Variants in AFF2 observed in about 807,000 individuals in gnomAD.
The protein encoded by AFF2 is AF4/FMR2 family member 2.
In AFF2, 14 loss-of-function variants were observed where a neutral mutation model predicts 76.9. That is an observed-to-expected ratio of 0.18 (90% confidence interval 0.12 to 0.28). The LOEUF is 0.28. AFF2 is among the 10% of genes least tolerant of loss of function. The probability of loss-of-function intolerance (pLI) is 1.00; values close to 1 mark genes in which losing one functional copy is unlikely to be tolerated. For synonymous variants in AFF2, 398 were observed against 366.7 expected (o/e 1.09, Z -0.98); for missense variants, 868 against 1,001.1 (o/e 0.87, Z 1.79).
intron 3 of AFF2, among the ~76,000 whole-genome samples, chrX:148,742,719 G>C (rs1007510497): frequency 8.1e-5 from 9 of 111,792 alleles, no homozygotes; most frequent in Non-Finnish European, 1.5e-4. Flanking sequence ...AAAAATGTGA[G>C]ATGAGTATTA....
intron 7 of AFF2, among the ~76,000 whole-genome samples, chrX:148,863,782 G>A (rs2070875829): frequency 9.0e-6 from 1 of 111,448 alleles, no homozygotes; most frequent in Admixed American, 9.5e-5. Context: ...GAGAAAATGG[G>A]TAGGGTGGGA....
intron 3 of AFF2, among the ~76,000 whole-genome samples, chrX:148,758,508 A>G (rs1381638026): frequency 3.6e-5 from 4 of 111,865 alleles, no homozygotes; most frequent in African/African-American, 1.3e-4. Flanking sequence ...AGCAATAACC[A>G]CTGTAGATAG....
intron 13 of AFF2, 74 bp downstream of exon 13, chrX:148,963,011 G>T: frequency 1.3e-6 from 1 of 750,386 alleles, no homozygotes; most frequent in South Asian, 2.4e-5. Context: ...TTGATCATTT[G>T]GGGATGTTGC....
chrX:148,774,278 A>C (rs1557268368), intron 3 of AFF2, among the ~76,000 whole-genome samples: 1 of 112,117 alleles, frequency 8.9e-6, no homozygotes, highest in African/African-American at 3.2e-5. Context: ...GAGACATACC[A>C]GGAACCTCAC....
chrX:148,666,463 T>C (rs1424634939), intron 3 of AFF2, among the ~76,000 whole-genome samples: 1 of 110,144 alleles, frequency 9.1e-6, no homozygotes, highest in African/African-American at 3.3e-5. Context: ...CACACACCTG[T>C]AGTCCCAGCT....
intron 9 of AFF2, among the ~76,000 whole-genome samples, chrX:148,912,556 C>T (rs2071482649): frequency 9.0e-6 from 1 of 111,648 alleles, no homozygotes; most frequent in Non-Finnish European, 1.9e-5. Context: ...TAAATCCAAC[C>T]CCCATTACAT....
intron 3 of AFF2, among the ~76,000 whole-genome samples, chrX:148,797,657 C>T (rs924674009): frequency 1.8e-5 from 2 of 111,820 alleles, no homozygotes; most frequent in East Asian, 2.8e-4. Flanking sequence ...TTTTTCCTTT[C>T]GTGACTTTCT....
intron 3 of AFF2, among the ~76,000 whole-genome samples, chrX:148,745,460 C>A (rs2055409255): frequency 8.9e-6 from 1 of 111,874 alleles, no homozygotes; most frequent in African/African-American, 3.3e-5. Context: ...TGACTTTTTG[C>A]AAAACAATAT....
intron 3 of AFF2, among the ~76,000 whole-genome samples, chrX:148,716,247 C>T (rs781794847): frequency 1.7e-4 from 19 of 111,255 alleles, no homozygotes; most frequent in Non-Finnish European, 3.2e-4. Flanking sequence ...TTTATTGTGC[C>T]ATCCCCTTGT....
At chrX:148,941,605 G>A (rs1557285578) in intron 9 of AFF2, among the ~76,000 whole-genome samples, 1 of 111,933 alleles carries the variant, frequency 8.9e-6, no homozygotes, top group Non-Finnish European at 1.9e-5. Context: ...CCCATCAATG[G>A]TTGTTGCTCT....
chrX:148,918,495 C>T (rs113984300), intron 9 of AFF2, among the ~76,000 whole-genome samples: 1,220 of 111,611 alleles, frequency 0.011, 22 homozygotes, highest in African/African-American at 0.038. Flanking sequence ...CACAGCTTAT[C>T]GAACAGGCAT....
intron 1 of AFF2, among the ~76,000 whole-genome samples, chrX:148,633,191 T>G (rs2053996858): frequency 9.0e-6 from 1 of 111,729 alleles, no homozygotes. Context: ...TGAGGTCTAG[T>G]GCCTAGAGGG....
At chrX:148,948,601 T>A (rs1419170304) in intron 9 of AFF2, among the ~76,000 whole-genome samples, 1 of 111,151 alleles carries the variant, frequency 9.0e-6, no homozygotes, top group African/African-American at 3.3e-5. Context: ...AGGCAGGGGC[T>A]GGAGGGAAAT....
At chrX:148,536,479 C>G (rs1439706333) in intron 1 of AFF2, among the ~76,000 whole-genome samples, 1 of 111,668 alleles carries the variant, frequency 9.0e-6, no homozygotes, top group Non-Finnish European at 1.9e-5. Flanking sequence ...GAGGCCCAAA[C>G]TTTCTATGAA....
Position 148,661,975 on chromosome X carries a change from A to G in AFF2, c.248A>G (p.Asn83Ser), listed in dbSNP as rs1557257787. Residue 83 changes from asparagine (N) to serine (S), a missense_variant, in exon 3 of 21, where the codon AAT (asparagine) becomes AGT (serine). By Grantham distance (46) the Asn-to-Ser change is conservative. Coordinates refer to ENST00000370460, the MANE Select transcript of AFF2 (RefSeq NM_002025.4). Reference sequence around the variant, plus strand: ...CTTGGAAACTATGATGAAATGAAGAATTTGCTAACTAACCATTCTAATCAG... The same window carrying G: ...CTTGGAAACTATGATGAAATGAAGAGTTTGCTAACTAACCATTCTAATCAG... ...NTLGNYDEMK[N>S]LLTNHSNQNH... The G allele has an allele frequency of 8.3e-7, 1 of 1,208,214 alleles. No individual in the cohort carries two copies. Among genetic ancestry groups the G allele is most frequent in the South Asian group, 1.8e-5 (1 of 56,895 alleles).
At chrX:148,535,861 T>C (rs367795696) in intron 1 of AFF2, among the ~76,000 whole-genome samples, 16 of 111,848 alleles carry the variant, frequency 1.4e-4, no homozygotes, top group African/African-American at 5.2e-4. Flanking sequence ...CTCTAGGCAA[T>C]GCCGATGTGC....
intron 1 of AFF2, among the ~76,000 whole-genome samples, chrX:148,523,635 T>A (rs1366327266): frequency 8.9e-6 from 1 of 112,620 alleles, no homozygotes; most frequent in African/African-American, 3.2e-5. Context: ...CTGCTTTGTT[T>A]GATTTCATGC....
At chrX:148,701,011 A>AGAGAG (rs10675199) in intron 3 of AFF2, among the ~76,000 whole-genome samples, 11 of 61,150 alleles carry the variant, frequency 1.8e-4, no homozygotes, top group African/African-American at 6.3e-4. Flanking sequence ...AGAGAGAGAG[A>AGAGAG]ATGTGTGTGT....
intron 3 of AFF2, among the ~76,000 whole-genome samples, chrX:148,760,760 G>A (rs919223830): frequency 1.2e-4 from 14 of 112,314 alleles, no homozygotes; most frequent in African/African-American, 4.5e-4. Context: ...AGTGCCTTAA[G>A]TGAGGCATTG....
Sources: allele counts gnomAD v4.1 joint callset (sites outside exome capture counted in the v4.1 genomes callset), GRCh38; gene constraint gnomAD v4.1.1; transcripts MANE v1.5; gene names NCBI Gene and HGNC (gene_info 2026-07-23, HGNC 2026-07-21).